Variants in MAN2B2 observed in about 807,000 individuals in gnomAD.
The protein encoded by MAN2B2 is mannosidase alpha class 2B member 2.
MAN2B2 carries 106 observed loss-of-function variants against 117.1 expected under a neutral mutation model. The observed-to-expected ratio is 0.90, with a 90% CI of 0.77 to 1.06. The LOEUF is 1.06. MAN2B2 is among the 50% of genes least tolerant of loss of function. The probability of loss-of-function intolerance (pLI) is 0.00; values close to 1 mark genes in which losing one functional copy is unlikely to be tolerated. For synonymous variants in MAN2B2, 544 were observed against 595.1 expected, an observed-to-expected ratio of 0.91 and a Z score of 1.25; for missense variants, 1,326 against 1,381.4, an observed-to-expected ratio of 0.96 and a Z score of 0.64.
intron 3 of MAN2B2, among the ~76,000 whole-genome samples, chr4:6,586,053 G>GTTTTTTTTTTTTTTTTTTTTTTTTTTTTT (rs759999292): frequency 1.3e-4 from 19 of 143,942 alleles, no homozygotes; most frequent in African/African-American, 4.4e-4. Context: ...TTTTCTTGTG[G>GTTTTTTTTTTTTTTTTTTTTTTTTTTTTT]TTTTTTTTTT....
Position 6,609,124 on chromosome 4 carries a change from T to A in MAN2B2, c.1832T>A (p.Val611Glu). 1 of 1,613,894 alleles carries A rather than the reference T, an allele frequency of 6.2e-7. No homozygotes were observed. Among genetic ancestry groups the A allele is most frequent in the Non-Finnish European group, 8.5e-7 (1 of 1,179,884 alleles). ...SIWERQSNRTVRVTQEFLEYH... is the reference protein window; with the variant it reads ...SIWERQSNRTERVTQEFLEYH... ...CTCTGCAGACAGAGTAACCGAACGGTGCGCGTGACCCAGGAATTCCTGGAG... is the reference window on the plus strand; with the variant it reads ...CTCTGCAGACAGAGTAACCGAACGGAGCGCGTGACCCAGGAATTCCTGGAG... The change falls in exon 12 of 19, where the codon GTG (valine) becomes GAG (glutamate). Residue 611 changes from valine (V) to glutamate (E), a missense_variant. Physicochemically the swap from Val to Glu is moderately radical, Grantham distance 121. Coordinates refer to ENST00000285599, the MANE Select transcript of MAN2B2 (RefSeq NM_015274.3).
Position 6,611,145 on chromosome 4 carries a change from G to A in MAN2B2, c.2430G>A (p.Thr810=), listed in dbSNP as rs778092418. 2.6e-5 allele frequency: 42 copies of A among 1,613,926 alleles called. No individual in the cohort carries two copies. The highest frequency in any genetic ancestry group is 3.2e-5 in the Non-Finnish European group (38 of 1,180,006). Residue 810 remains threonine, a synonymous_variant, in exon 15 of 19, where the codon ACG becomes ACA. Transcript: ENST00000285599. The stretch of plus-strand genomic sequence containing the variant: ...ACTGGGACCTGGGCTACAACCTCAC[G>A]CTGAACGACACCTCAGTCGTCCACC... ...NFDWDLGYNL[T]LNDTSVVHPV... is the part of the protein sequence containing the mutation.
chr4:6,590,434 CAAG>C (rs1726810563), intron 5 of MAN2B2, among the ~76,000 whole-genome samples: 1 of 152,106 alleles, frequency 6.6e-6, no homozygotes, highest in Non-Finnish European at 1.5e-5. Flanking sequence ...TCAGTGTTCC[CAAG>C]AACCTCCTTC....
rs2301793 is a variant in MAN2B2, at chr4:6,594,825, C to T, written c.1057+93C>T. 677,477 of 1,324,034 alleles carry T rather than the reference C, an allele frequency of 0.51. 174,997 individuals carry two copies. The highest frequency in any genetic ancestry group is 0.58 in the Middle Eastern group (2,275 of 3,902). 82.0% of individuals were successfully genotyped at this position (1,324,034 alleles called of 1,614,324 possible). A position where few individuals can be genotyped will look rare whatever the true frequency, so the allele number is the denominator to read the frequency against. On this transcript the variant is annotated intron_variant, in intron 7 of 18. Coordinates refer to ENST00000285599, the MANE Select transcript of MAN2B2 (RefSeq NM_015274.3). ...CCACTTCAGTGGCTGCTCGGCACTG[C>T]TCTCCAAGCCCTGGAGGGGTTCCAG...
chr4:6,598,414 C>T, intron 9 of MAN2B2, 60 bp downstream of exon 9: 1 of 1,552,242 alleles, frequency 6.4e-7, no homozygotes, highest in Non-Finnish European at 8.8e-7. Flanking sequence ...CTGAGGAGGT[C>T]AGGGGAGGGG....
intron 4 of MAN2B2, among the ~76,000 whole-genome samples, chr4:6,588,468 C>A (rs1726728974): frequency 6.6e-6 from 1 of 152,208 alleles, no homozygotes; most frequent in Non-Finnish European, 1.5e-5. Flanking sequence ...CGCCTGTAAT[C>A]CCAGCCCTTT....
At chr4:6,576,227 G>C (rs964523604) in intron 1 of MAN2B2, among the ~76,000 whole-genome samples, 1 of 152,142 alleles carries the variant, frequency 6.6e-6, no homozygotes, top group Non-Finnish European at 1.5e-5. Flanking sequence ...AGACTTTCCT[G>C]TGCTGCCCCT....
intron 1 of MAN2B2, among the ~76,000 whole-genome samples, chr4:6,575,716 C>T (rs1410196227): frequency 1.3e-5 from 2 of 152,126 alleles, no homozygotes; most frequent in South Asian, 2.1e-4. Flanking sequence ...CCGGGCTGGT[C>T]CCCTGCGGGG....
At chr4:6,597,602 C>G (rs1359542124) in intron 8 of MAN2B2, among the ~76,000 whole-genome samples, 1 of 152,248 alleles carries the variant, frequency 6.6e-6, no homozygotes, top group Admixed American at 6.5e-5. Context: ...ATCCATATCT[C>G]GGCTCAGCTG....
At chr4:6,605,806 A>G (rs767183289) in intron 11 of MAN2B2, among the ~76,000 whole-genome samples, 40 of 151,262 alleles carry the variant, frequency 2.6e-4, no homozygotes, top group Non-Finnish European at 4.4e-4. Flanking sequence ...TCACCCACTT[A>G]CCCATCCATC....
intron 8 of MAN2B2, among the ~76,000 whole-genome samples, chr4:6,597,575 C>G (rs10014979): frequency 0.026 from 3,966 of 152,302 alleles, 191 homozygotes; most frequent in African/African-American, 0.091. Context: ...GCATTTGTGT[C>G]CGACAGCCCT....
At chr4:6,579,124 TACCACC>T (rs1205963122) in intron 3 of MAN2B2, among the ~76,000 whole-genome samples, 1 of 20,596 alleles carries the variant, frequency 4.9e-5, no homozygotes, top group East Asian at 2.2e-3. Context: ...CCATCACCAC[TACCACC>T]ACCACCACCA....
rs147982157 is a variant in MAN2B2 at position 6,575,913 on chromosome 4, G to C, written c.138+565G>C. On this transcript the variant is annotated intron_variant, in intron 1 of 18. Coordinates refer to ENST00000285599, the MANE Select transcript of MAN2B2 (RefSeq NM_015274.3). ...CAGCCAGTTTCCAGAGGAGAAAACCGAGGCCCAGAGAGGGTTGCTGCCTTG... is the reference window on the plus strand; with the variant it reads ...CAGCCAGTTTCCAGAGGAGAAAACCCAGGCCCAGAGAGGGTTGCTGCCTTG... 3.3e-4 allele frequency among the ~76,000 whole-genome samples: 50 copies of C among 152,294 alleles called. No homozygotes were observed. In the East Asian group the frequency reaches 6.8e-3, roughly 21 times the overall value.
intron 6 of MAN2B2, among the ~76,000 whole-genome samples, chr4:6,594,174 G>A (rs940861637): frequency 1.2e-4 from 18 of 152,180 alleles, no homozygotes; most frequent in Non-Finnish European, 5.9e-5. Context: ...CGGGCGCTGT[G>A]GCTCACACCT....
chr4:6,596,189 GTCCAGGTGGGCGTGGTA>G (rs991378919), intron 7 of MAN2B2, among the ~76,000 whole-genome samples: 5 of 144,702 alleles, frequency 3.5e-5, no homozygotes, highest in Admixed American at 2.0e-4. Flanking sequence ...TGGGCGTGGC[GTCCAGGTGGGCGTGGTA>G]TCCAGGCGGG....
At chr4:6,578,364 C>T (rs1726150662) in intron 2 of MAN2B2, 29 bp from the exon 3 acceptor site, 2 of 1,581,374 alleles carry the variant, frequency 1.3e-6, no homozygotes, top group African/African-American at 1.3e-5. Flanking sequence ...CCGTAACTGG[C>T]TTTTTTCTCT....
intron 14 of MAN2B2, 21 bp from the exon 15 acceptor site, chr4:6,611,065 T>C: frequency 6.2e-7 from 1 of 1,612,030 alleles, no homozygotes; most frequent in Non-Finnish European, 8.5e-7. Context: ...GCCGGGCCTC[T>C]CGGACAATGC....
At chr4:6,609,595 C>A in intron 12 of MAN2B2, 1 of 666,292 alleles carries the variant, frequency 1.5e-6, no homozygotes, top group Non-Finnish European at 2.5e-6. Context: ...CCCGGCATGG[C>A]AGCCCTGCGG....
intron 18 of MAN2B2, 104 bp from the exon 19 acceptor site, chr4:6,621,084 G>C: frequency 1.3e-6 from 1 of 777,586 alleles, no homozygotes. Flanking sequence ...GGGTGAGAGG[G>C]AGGCTGGGAG....
Sources: allele counts gnomAD v4.1 joint callset (sites outside exome capture counted in the v4.1 genomes callset), GRCh38; gene constraint gnomAD v4.1.1; transcripts MANE v1.5; gene names NCBI Gene and HGNC (gene_info 2026-07-23, HGNC 2026-07-21).